MFN1: variants seen among roughly 807,000 people sequenced by gnomAD.
The protein encoded by MFN1 is mitofusin-1.
In MFN1, 65 loss-of-function variants were observed where a neutral mutation model predicts 92.4. The ratio of observed to expected loss-of-function variants is 0.70; its 90% CI spans 0.58 to 0.86. The LOEUF (loss-of-function observed/expected upper bound fraction) is 0.86, where lower values mean the gene tolerates loss of function less well. Ranked by LOEUF, MFN1 falls within the 40% of genes least tolerant of loss-of-function variation. MFN1 has a pLI of 0.00. For synonymous variants in MFN1, 297 were observed against 300.9 expected (o/e 0.99, Z 0.13); for missense variants, 781 against 868.0 (o/e 0.90, Z 1.26).
chr3:179,357,236 C>T (rs1324432122), intron 3 of MFN1, among the ~76,000 whole-genome samples: 1 of 152,154 alleles, frequency 6.6e-6, no homozygotes, highest in Non-Finnish European at 1.5e-5. Flanking sequence ...TCTGGTGTTA[C>T]ATGACATTTA....
At chr3:179,391,649 A>C (rs1713906144) in intron 17 of MFN1, among the ~76,000 whole-genome samples, 3 of 152,188 alleles carry the variant, frequency 2.0e-5, no homozygotes, top group Admixed American at 2.0e-4. Flanking sequence ...TTTTAGTTCC[A>C]GTTTTCCTCT....
In MFN1 at chr3:179,365,226, G is replaced by A. The variant is rs1336070880; in HGVS notation, c.753+1G>A. On this transcript the variant is annotated splice_donor_variant, in intron 7 of 17. Coordinates refer to ENST00000471841, the MANE Select transcript of MFN1 (RefSeq NM_033540.3). LOFTEE classifies it high-confidence loss of function. ...ATCAGAGCCAGAATATATGGAAGAC[G>A]TAAGTTGTTATTTTTTTTTTTGTAG... 3.3e-6 allele frequency: 5 copies of A among 1,506,142 alleles called. No individual in the cohort carries two copies. The highest frequency in any genetic ancestry group is 2.6e-5 in the South Asian group (2 of 76,142). 93.3% of individuals were successfully genotyped at this position (1,506,142 alleles called of 1,614,324 possible). A position where few individuals can be genotyped will look rare whatever the true frequency, so the allele number is the denominator to read the frequency against.
At chr3:179,354,722 G>T (rs920904634) in intron 3 of MFN1, among the ~76,000 whole-genome samples, 1 of 152,180 alleles carries the variant, frequency 6.6e-6, no homozygotes, top group Non-Finnish European at 1.5e-5. Flanking sequence ...GCCAAACAAA[G>T]GGTGGATTAT....
chr3:179,385,145 C>A (rs1433841914), intron 14 of MFN1, among the ~76,000 whole-genome samples: 1 of 151,170 alleles, frequency 6.6e-6, no homozygotes, highest in Non-Finnish European at 1.5e-5. Context: ...GATCTCCTGA[C>A]CTCGAGATCC....
intron 9 of MFN1, among the ~76,000 whole-genome samples, chr3:179,370,809 G>A (rs1712994881): frequency 6.6e-6 from 1 of 152,154 alleles, no homozygotes; most frequent in African/African-American, 2.4e-5. Context: ...GCAGCTTTAG[G>A]CGTATCCCAA....
chr3:179,359,240 C>G (rs1190085308), intron 4 of MFN1, among the ~76,000 whole-genome samples: 1 of 152,062 alleles, frequency 6.6e-6, no homozygotes, highest in African/African-American at 2.4e-5. Context: ...CCTGCCTCAG[C>G]CTCCCAAGTA....
intron 9 of MFN1, 78 bp downstream of exon 9, chr3:179,368,181 CT>C: frequency 9.3e-7 from 1 of 1,075,384 alleles, no homozygotes. Context: ...TATTTTTATC[CT>C]TTGTCTTTGT....
chr3:179,355,849 G>C (rs1712326992), intron 3 of MFN1, among the ~76,000 whole-genome samples: 1 of 152,134 alleles, frequency 6.6e-6, no homozygotes, highest in African/African-American at 2.4e-5. Flanking sequence ...CTACTTGGGA[G>C]GCCTTGGCAG....
intron 9 of MFN1, among the ~76,000 whole-genome samples, chr3:179,368,873 C>T (rs1451144267): frequency 6.6e-6 from 1 of 152,180 alleles, no homozygotes; most frequent in Non-Finnish European, 1.5e-5. Context: ...AAACCTCAGT[C>T]TGTAATTATT....
intron 2 of MFN1, 84 bp from the exon 3 acceptor site, chr3:179,351,816 A>G: frequency 7.4e-7 from 1 of 1,347,040 alleles, no homozygotes; most frequent in Non-Finnish European, 1.0e-6. Flanking sequence ...TAAAGCAAAA[A>G]TACATACAAT....
chr3:179,387,620 T>C (rs1713740012), intron 16 of MFN1, among the ~76,000 whole-genome samples: 1 of 115,784 alleles, frequency 8.6e-6, no homozygotes, highest in African/African-American at 3.4e-5. Context: ...TTTTCTGAGA[T>C]GGAGTCTCAG....
intron 14 of MFN1, among the ~76,000 whole-genome samples, chr3:179,380,288 A>G (rs920417645): frequency 6.6e-6 from 1 of 152,222 alleles, no homozygotes; most frequent in Non-Finnish European, 1.5e-5. Context: ...AAAGACACTG[A>G]CTACAGCTGA....
intron 3 of MFN1, among the ~76,000 whole-genome samples, chr3:179,356,076 C>T (rs1202520145): frequency 6.6e-6 from 1 of 152,154 alleles, no homozygotes; most frequent in East Asian, 1.9e-4. Flanking sequence ...ATAGGAATTC[C>T]CTGAGTGATT....
chr3:179,362,324 T>TG, intron 4 of MFN1, 34 bp from the exon 5 acceptor site: 1 of 1,540,910 alleles, frequency 6.5e-7, no homozygotes, highest in Admixed American at 2.1e-5. Flanking sequence ...TTATTACAAG[T>TG]GGAGTTTATT....
At position 179,364,286 on chromosome 3, in the gene MFN1, ACT is replaced by A; in HGVS notation, c.537-7_537-6del. The A allele has an allele frequency of 6.4e-7, 1 of 1,558,042 alleles. No individual in the cohort carries two copies. Among genetic ancestry groups the A allele is most frequent in the Middle Eastern group, 1.9e-4 (1 of 5,374 alleles). Reference sequence around the variant, plus strand: ...AGAAATATAATACAATTTTTATTTCACTCTCATTAGTCCAGGCACAGATGTCA... The same window carrying A: ...AGAAATATAATACAATTTTTATTTCACTCATTAGTCCAGGCACAGATGTCA... On this transcript the variant is annotated splice_polypyrimidine_tract_variant and intron_variant, in intron 5 of 17. Transcript: ENST00000471841.
At chr3:179,350,493 G>C (rs956184833) in intron 2 of MFN1, among the ~76,000 whole-genome samples, 7 of 152,104 alleles carry the variant, frequency 4.6e-5, no homozygotes, top group African/African-American at 1.7e-4. Context: ...TGAAAATGAA[G>C]TTAAATGTGT....
Position 179,359,494 on chromosome 3 carries a change from C to T in MFN1, c.411+492C>T, listed in dbSNP as rs551584602. ...AGAGTACAGTGGCGTGATCTTGGCT[C>T]GCTGCAACCTCTGCCTCTTGGGTTC... On this transcript the variant is annotated intron_variant, in intron 4 of 17. Transcript: ENST00000471841. Among the ~76,000 whole-genome samples the T allele has an allele frequency of 9.6e-5, 14 of 146,488 alleles. No homozygotes were observed. In the East Asian group the frequency reaches 1.6e-3, roughly 17 times the overall value.
chr3:179,353,052 TA>T lies in MFN1; in HGVS notation c.248+1020del, dbSNP rs201817297. Among the ~76,000 whole-genome samples, 107 of 115,970 alleles carry T rather than the reference TA, an allele frequency of 9.2e-4. 10 individuals are homozygous for T. The highest frequency in any genetic ancestry group is 1.2e-3 in the African/African-American group (31 of 25,270). 76.1% of individuals were successfully genotyped at this position (115,970 alleles called of 152,430 possible). On this transcript the variant is annotated intron_variant, in intron 3 of 17. Coordinates refer to ENST00000471841, the MANE Select transcript of MFN1 (RefSeq NM_033540.3). Reference sequence around the variant, plus strand: ...CAGGCGTGAGCCACCGCATCCAGCCTAAATTTTTTTTTTTTTTTTTGAGACA... The same window carrying T: ...CAGGCGTGAGCCACCGCATCCAGCCTAATTTTTTTTTTTTTTTTTGAGACA...
chr3:179,356,922 A>T (rs1712365318), intron 3 of MFN1, among the ~76,000 whole-genome samples: 1 of 152,050 alleles, frequency 6.6e-6, no homozygotes, highest in African/African-American at 2.4e-5. Context: ...AAATGAGGAG[A>T]TGGGGGGGAA....
Sources: allele counts gnomAD v4.1 joint callset (sites outside exome capture counted in the v4.1 genomes callset), GRCh38; gene constraint gnomAD v4.1.1; transcripts MANE v1.5; gene names NCBI Gene and HGNC (gene_info 2026-07-23, HGNC 2026-07-21).